METTL27: variants seen among roughly 807,000 people sequenced by gnomAD.
METTL27 encodes methyltransferase-like protein 27.
METTL27 carries 29 observed loss-of-function variants against 24.5 expected under a neutral mutation model. The ratio of observed to expected loss-of-function variants is 1.18; its 90% CI spans 0.88 to 1.61. The LOEUF (loss-of-function observed/expected upper bound fraction) is 1.61. METTL27 is among the 40% of genes most tolerant of loss of function. METTL27 has a pLI of 0.00. For missense variants in METTL27, 341 were observed against 324.3 expected (o/e 1.05, Z -0.40); for synonymous variants, 138 against 146.8 (o/e 0.94, Z 0.43).
intron 5 of METTL27, among the ~76,000 whole-genome samples, chr7:73,836,111 G>A (rs373431042): frequency 3.9e-4 from 58 of 150,536 alleles, no homozygotes; most frequent in African/African-American, 1.1e-3. Context: ...CCCACCAGCC[G>A]CCCCATCCGG....
rs1554634702 is a variant in METTL27 at position 73,834,789 on chromosome 7, A to G, written c.692T>C (p.Leu231Ser). ...CCTTCCACTTTCGGTACAGGTAGAC[A>G]ATGCCGGAGATGAAGCCATCCTTGG... Reference protein sequence around the residue: ...SLPRMASSPALSTCTESGRRP... With the variant: ...SLPRMASSPASSTCTESGRRP... The change falls in exon 6 of 6, where the codon TTG (leucine) becomes TCG (serine). Residue 231 changes from leucine to serine, a missense_variant. Physicochemically the swap from Leu to Ser is moderately radical, Grantham distance 145. Transcript: ENST00000297873. The G allele has an allele frequency of 6.2e-7, 1 of 1,614,182 alleles. No homozygotes were observed. Among genetic ancestry groups the G allele is most frequent in the African/African-American group, 1.3e-5 (1 of 75,062 alleles).
chr7:73,841,089 G>C lies in METTL27; in HGVS notation c.233C>G (p.Thr78Arg). The stretch of plus-strand genomic sequence containing the variant: ...CCTCACCTCGGCAGCCACTAGGCCT[G>C]TGCCACAGGCCACGTCCAGGATCAG... Reference protein sequence around the residue: ...SALILDVACGTGLVAAELRAP... With the variant: ...SALILDVACGRGLVAAELRAP... Residue 78 changes from threonine (T) to arginine (R), a missense_variant, in exon 3 of 6, where the codon ACA becomes AGA. Transcript: ENST00000297873. 1 of 1,512,416 alleles carries C rather than the reference G, an allele frequency of 6.6e-7. No individual in the cohort carries two copies. The highest frequency in any genetic ancestry group is 8.8e-7 in the Non-Finnish European group (1 of 1,140,046). 93.7% of individuals were successfully genotyped at this position (1,512,416 alleles called of 1,614,324 possible).
At chr7:73,841,702 T>A (rs1444163198) in intron 2 of METTL27, among the ~76,000 whole-genome samples, 14 of 152,132 alleles carry the variant, frequency 9.2e-5, no homozygotes, top group African/African-American at 3.4e-4. Context: ...GGTCTCGAAC[T>A]CCTGACCTCA....
intron 5 of METTL27, among the ~76,000 whole-genome samples, chr7:73,838,601 C>T (rs1554635747): frequency 6.6e-6 from 1 of 152,188 alleles, no homozygotes; most frequent in Non-Finnish European, 1.5e-5. Flanking sequence ...GCAGGGGAGA[C>T]TGTCACCCAT....
In METTL27 at chr7:73,840,139, G is replaced by GC. The variant is rs782395440; in HGVS notation, c.389-20_389-19insG. The GC allele has an allele frequency of 6.9e-7, 1 of 1,451,666 alleles. No individual in the cohort carries two copies. The highest frequency in any genetic ancestry group is 2.4e-5 in the East Asian group (1 of 42,038). 89.9% of individuals were successfully genotyped at this position (1,451,666 alleles called of 1,614,324 possible). ...AAGGTCCCTGTGTGTGTGTGGGGGG[G>GC]GGTGGGGACATGGTGTGATGCTTGG... On this transcript the variant is annotated intron_variant, in intron 4 of 5. Transcript: ENST00000297873.
At chr7:73,836,006 C>T (rs1461746545) in intron 5 of METTL27, among the ~76,000 whole-genome samples, 308 of 102,476 alleles carry the variant, frequency 3.0e-3, no homozygotes, top group African/African-American at 0.012. Flanking sequence ...GTGAGGAGCC[C>T]CTCCGCCCGG....
At position 73,840,133 on chromosome 7, in the gene METTL27, G is replaced by C. The variant is rs782235431; in HGVS notation, c.389-13C>G. 7.2e-5 allele frequency: 90 copies of C among 1,244,134 alleles called. No individual in the cohort carries two copies. The highest frequency in any genetic ancestry group is 2.0e-4 in the Middle Eastern group (1 of 5,024). The allele number at this position is 1,244,134 out of a possible 1,614,324, so 77.1% of individuals were successfully genotyped here. A position where few individuals can be genotyped will look rare whatever the true frequency, so the allele number is the denominator to read the frequency against. The stretch of plus-strand genomic sequence containing the variant: ...GCGTCGAAGGTCCCTGTGTGTGTGT[G>C]GGGGGGGGTGGGGACATGGTGTGAT... On this transcript the variant is annotated splice_polypyrimidine_tract_variant and intron_variant, in intron 4 of 5. Transcript: ENST00000297873.
chr7:73,837,852 C>T (rs1372852235), intron 5 of METTL27, among the ~76,000 whole-genome samples: 8 of 151,744 alleles, frequency 5.3e-5, no homozygotes, highest in African/African-American at 1.9e-4. Context: ...CCCACCCCCC[C>T]TTTTTTTTCT....
At chr7:73,840,647 G>T in intron 3 of METTL27, 98 bp from the exon 4 acceptor site, 1 of 1,468,742 alleles carries the variant, frequency 6.8e-7, no homozygotes, top group Non-Finnish European at 9.0e-7. Context: ...CACTGAATGT[G>T]GCCCATGCAT....
rs547402588 is a variant in METTL27, at chr7:73,835,117, C to T, written c.479-115G>A. The stretch of plus-strand genomic sequence containing the variant: ...GAAATTCGACTTAAAAGATTGGGGA[C>T]GCTCTCTCCCTCTCCCTCTCCCTCT... On this transcript the variant is annotated intron_variant, in intron 5 of 5. Transcript: ENST00000297873. The T allele has an allele frequency of 1.4e-4, 200 of 1,387,532 alleles. No individual in the cohort carries two copies. In the African/African-American group the frequency reaches 2.0e-3, roughly 14 times the overall value. The allele number at this position is 1,387,532 out of a possible 1,614,324, so 86.0% of individuals were successfully genotyped here.
chr7:73,840,125 G>GC lies in METTL27; in HGVS notation c.389-6_389-5insG. On this transcript the variant is annotated splice_polypyrimidine_tract_variant and splice_region_variant and intron_variant, in intron 4 of 5. Coordinates refer to ENST00000297873, the MANE Select transcript of METTL27 (RefSeq NM_152559.3). ...TCAGCACCGCGTCGAAGGTCCCTGTGTGTGTGTGGGGGGGGGTGGGGACAT... is the reference window on the plus strand; with the variant it reads ...TCAGCACCGCGTCGAAGGTCCCTGTGCTGTGTGTGGGGGGGGGTGGGGACAT... 6.5e-7 allele frequency: 1 copy of GC among 1,527,366 alleles called. No individual in the cohort carries two copies. Among genetic ancestry groups the GC allele is most frequent in the Non-Finnish European group, 8.9e-7 (1 of 1,127,934 alleles). The allele number at this position is 1,527,366 out of a possible 1,614,324, so 94.6% of individuals were successfully genotyped here. A position where few individuals can be genotyped will look rare whatever the true frequency, so the allele number is the denominator to read the frequency against.
Position 73,840,050 on chromosome 7 carries a change from C to A in METTL27, c.459G>T (p.Glu153Asp). ...CCTCACCTGGCTTGGTGACATGTAG[C>A]TCAGGTATCGCATTGCAGGGCACCT... Reference protein sequence around the residue: ...DGQVPCNAIPELHVTKPGGLV... With the variant: ...DGQVPCNAIPDLHVTKPGGLV... The change falls in exon 5 of 6, where the codon GAG becomes GAT. Residue 153 changes from glutamate (E) to aspartate (D), a missense_variant. By Grantham distance (45) the Glu-to-Asp change is conservative (BLOSUM62 2). Transcript: ENST00000297873. 1 of 1,611,032 alleles carries A rather than the reference C, an allele frequency of 6.2e-7. No individual in the cohort carries two copies. The highest frequency in any genetic ancestry group is 1.1e-5 in the South Asian group (1 of 90,788).
At chr7:73,838,581 A>G (rs1788271562) in intron 5 of METTL27, among the ~76,000 whole-genome samples, 1 of 152,018 alleles carries the variant, frequency 6.6e-6, no homozygotes, top group Admixed American at 6.5e-5. Flanking sequence ...GTGAGAGGAG[A>G]GGCTCCGGAG....
rs555466870 is a variant in METTL27 at position 73,840,341 on chromosome 7, G to C, written c.388+73C>G. On this transcript the variant is annotated intron_variant, in intron 4 of 5. Coordinates refer to ENST00000297873, the MANE Select transcript of METTL27 (RefSeq NM_152559.3). ...GGGACTGGGAGCTTAGTGTGGGAGA[G>C]GGATGGAGGATCAGCAAGGGAAAGG... is the stretch of plus-strand genomic sequence containing the variant. 39 of 1,543,768 alleles carry C rather than the reference G, an allele frequency of 2.5e-5. 1 individual carries two copies. In the South Asian group the frequency reaches 4.2e-4, roughly 17 times the overall value.
Position 73,834,926 on chromosome 7 carries a change from G to A in METTL27, c.555C>T (p.Asp185=), listed in dbSNP as rs1554634765. ...QYKEALEATL[D]RLEQAGMWEG... is the part of the protein sequence containing the mutation. ...CCCACATCCCAGCCTGCTCCAGCCT[G>A]TCCAGGGTGGCCTCCAGAGCCTCCT... Residue 185 remains aspartate, a synonymous_variant, in exon 6 of 6, where the codon GAC becomes GAT. Coordinates refer to ENST00000297873, the MANE Select transcript of METTL27 (RefSeq NM_152559.3). 1.2e-6 allele frequency: 2 copies of A among 1,614,060 alleles called. No homozygotes were observed. The highest frequency in any genetic ancestry group is 1.7e-6 in the Non-Finnish European group (2 of 1,180,008).
At chr7:73,840,571 C>T (rs1427996104) in intron 3 of METTL27, 22 bp from the exon 4 acceptor site, 2 of 1,561,470 alleles carry the variant, frequency 1.3e-6, no homozygotes, top group African/African-American at 1.4e-5. Flanking sequence ...GTGGGAGACT[C>T]AGTCATGGTT....
Position 73,839,999 on chromosome 7 carries a change from G to C in METTL27, c.478+32C>G, listed in dbSNP as rs375120192. ...ACAGGGGAAGGTATATGGTGACGGG[G>C]GTTGGGGGTGGTTGGCTGGGCTGCT... On this transcript the variant is annotated intron_variant, in intron 5 of 5. Coordinates refer to ENST00000297873, the MANE Select transcript of METTL27 (RefSeq NM_152559.3). 1.4e-4 allele frequency: 220 copies of C among 1,583,232 alleles called. 1 individual carries two copies. The highest frequency in any genetic ancestry group is 1.8e-4 in the Non-Finnish European group (210 of 1,161,482).
chr7:73,837,956 C>T (rs1788253819), intron 5 of METTL27, among the ~76,000 whole-genome samples: 1 of 151,574 alleles, frequency 6.6e-6, no homozygotes. Flanking sequence ...CTCAAGCAAT[C>T]CTCCCACCTC....
rs1788121937 is a variant in METTL27 at position 73,835,004 on chromosome 7, T to C, written c.479-2A>G. On this transcript the variant is annotated splice_acceptor_variant, in intron 5 of 5. Coordinates refer to ENST00000297873, the MANE Select transcript of METTL27 (RefSeq NM_152559.3). LOFTEE classifies it high-confidence loss of function. ...TGGTGGTCAGACACACCAGCCCACC[T>C]GGGGGAGAGGGGTAGGTGAGGTGGG... 3 of 1,608,112 alleles carry C rather than the reference T, an allele frequency of 1.9e-6. No homozygotes were observed. The highest frequency in any genetic ancestry group is 2.2e-5 in the East Asian group (1 of 44,706).
Sources: gnomAD v4.1 joint callset for allele counts (sites outside exome capture counted in the v4.1 genomes callset) on GRCh38, gnomAD v4.1.1 for gene constraint, MANE v1.5 for transcripts, NCBI Gene and HGNC (gene_info 2026-07-23, HGNC 2026-07-21) for gene names.